FBXL13: variants seen among roughly 807,000 people sequenced by gnomAD.
FBXL13 encodes F-box and leucine-rich repeat protein 13.
Under a neutral mutation model 83.6 loss-of-function variants are expected in FBXL13, and 67 were observed. That is an observed-to-expected ratio of 0.80 (90% CI 0.66 to 0.98). The LOEUF (loss-of-function observed/expected upper bound fraction) is 0.98, where lower values mean the gene tolerates loss of function less well. Among genes scored for constraint, FBXL13 ranks in the 50% least tolerant of loss-of-function variants. FBXL13 has a pLI of 0.00. For missense variants in FBXL13, 822 were observed against 866.5 expected, an observed-to-expected ratio of 0.95 and a Z score of 0.64; for synonymous variants, 272 against 299.5, an observed-to-expected ratio of 0.91 and a Z score of 0.95.
intron 3 of FBXL13, 126 bp from the exon 5 acceptor site, chr7:103,028,874 A>G: frequency 1.8e-5 from 12 of 677,440 alleles, no homozygotes; most frequent in Non-Finnish European, 2.6e-5. Context: ...CATAGAAAGA[A>G]ACTTCTACAA....
intron 6 of FBXL13, among the ~76,000 whole-genome samples, chr7:102,986,013 C>T (rs557009153): frequency 5.6e-4 from 79 of 140,430 alleles, no homozygotes; most frequent in Admixed American, 3.3e-3. Flanking sequence ...GAACCTGGCA[C>T]GATGCCCCCC....
chr7:102,862,444 T>C (rs1351108076), intron 16 of FBXL13, among the ~76,000 whole-genome samples: 4 of 152,178 alleles, frequency 2.6e-5, no homozygotes, highest in Non-Finnish European at 5.9e-5. Flanking sequence ...GAAAATAGCA[T>C]AATTTGGAGG....
chr7:102,833,068 T>C, intron 17 of FBXL13, 94 bp from the exon 19 acceptor site: 1 of 1,335,840 alleles, frequency 7.5e-7, no homozygotes, highest in Non-Finnish European at 1.0e-6. Flanking sequence ...TTTCAGTCCC[T>C]GAAATACAGA....
At chr7:102,940,370 C>T (rs1460558110) in intron 8 of FBXL13, among the ~76,000 whole-genome samples, 6 of 151,602 alleles carry the variant, frequency 4.0e-5, no homozygotes, top group Non-Finnish European at 8.8e-5. Context: ...CCACCACGCC[C>T]GGCTAATTTT....
chr7:102,844,089 C>T lies in FBXL13; in HGVS notation c.1719+10688G>A, dbSNP rs539968239. On this transcript the variant is annotated intron_variant, in intron 17 of 19. Transcript: ENST00000313221. ...CAAGAGAGCAGATGAGGCTGAACCA[C>T]TACCACAGACTTCCTTCTTTTGTGT... Among the ~76,000 whole-genome samples the T allele has an allele frequency of 1.6e-3, 249 of 152,336 alleles. 1 individual carries two copies. The highest frequency in any genetic ancestry group is 5.5e-3 in the African/African-American group (229 of 41,576).
chr7:103,056,213 CAT>C (rs1482884226), intron 1 of FBXL13, among the ~76,000 whole-genome samples: 1 of 152,030 alleles, frequency 6.6e-6, no homozygotes, highest in African/African-American at 2.4e-5. Context: ...CATATTGCAT[CAT>C]ATATATATGA....
At chr7:103,027,863 C>T (rs1035398246) in intron 4 of FBXL13, among the ~76,000 whole-genome samples, 32 of 152,060 alleles carry the variant, frequency 2.1e-4, no homozygotes, top group Non-Finnish European at 4.4e-5. Context: ...AACTTCTAAA[C>T]TTTTTCATAA....
chr7:102,899,369 A>G (rs569370745), intron 11 of FBXL13, among the ~76,000 whole-genome samples: 1 of 152,286 alleles, frequency 6.6e-6, no homozygotes, highest in South Asian at 2.1e-4. Flanking sequence ...AGTCCAGTTA[A>G]ACAACATATC....
At chr7:103,014,443 A>G (rs1585360240) in intron 6 of FBXL13, among the ~76,000 whole-genome samples, 1 of 152,348 alleles carries the variant, frequency 6.6e-6, no homozygotes, top group East Asian at 1.9e-4. Flanking sequence ...TATCAGATGT[A>G]TAATGAAGAG....
At chr7:102,985,597 G>C (rs539389885) in intron 6 of FBXL13, among the ~76,000 whole-genome samples, 78 of 152,244 alleles carry the variant, frequency 5.1e-4, no homozygotes, top group African/African-American at 1.8e-3. Flanking sequence ...CCATAGAGCT[G>C]GAAGACATAG....
intron 16 of FBXL13, among the ~76,000 whole-genome samples, chr7:102,873,206 C>T (rs1808757600): frequency 6.6e-6 from 1 of 152,190 alleles, no homozygotes; most frequent in Admixed American, 6.5e-5. Context: ...GTGTGAATTT[C>T]AATTAGTTTC....
chr7:102,912,731 G>A (rs1814994632), intron 11 of FBXL13, among the ~76,000 whole-genome samples: 1 of 133,648 alleles, frequency 7.5e-6, no homozygotes, highest in South Asian at 2.3e-4. Flanking sequence ...GGAATCCCAT[G>A]CAAAATTCTC....
intron 1 of FBXL13, among the ~76,000 whole-genome samples, chr7:103,059,138 C>T (rs1033572395): frequency 1.3e-5 from 2 of 151,970 alleles, no homozygotes; most frequent in African/African-American, 2.4e-5. Flanking sequence ...AGCATGGTGG[C>T]GTGTGCCTGT....
chr7:102,895,134 A>C (rs1026347514), intron 11 of FBXL13, among the ~76,000 whole-genome samples: 7 of 152,230 alleles, frequency 4.6e-5, no homozygotes, highest in African/African-American at 1.7e-4. Context: ...GAGAATGCTT[A>C]GTGAAAAGTA....
At chr7:102,884,383 A>G in intron 11 of FBXL13, 71 bp from the exon 13 acceptor site, 1 of 1,078,176 alleles carries the variant, frequency 9.3e-7, no homozygotes, top group Non-Finnish European at 1.4e-6. Context: ...AGTAATAACC[A>G]AAGATACACC....
exon 5 of FBXL13, chr7:103,027,487 T>C: frequency 6.2e-7 from 1 of 1,613,410 alleles, no homozygotes; most frequent in Non-Finnish European, 8.5e-7. Context: ...TGTCTTGCTG[T>C]ATTCCGCCAT....
intron 2 of FBXL13, among the ~76,000 whole-genome samples, chr7:103,042,937 A>C (rs1409218094): frequency 6.6e-6 from 1 of 152,206 alleles, no homozygotes; most frequent in East Asian, 1.9e-4. Flanking sequence ...AAAACACCAA[A>C]AGCAATGGCA....
chr7:103,032,224 G>A (rs1794582619), intron 2 of FBXL13, among the ~76,000 whole-genome samples: 1 of 152,080 alleles, frequency 6.6e-6, no homozygotes, highest in Non-Finnish European at 1.5e-5. Flanking sequence ...AGGGTTGGAG[G>A]AAAATAAGAT....
intron 11 of FBXL13, among the ~76,000 whole-genome samples, chr7:102,887,868 A>G (rs867012108): frequency 1.3e-5 from 2 of 152,222 alleles, no homozygotes; most frequent in Middle Eastern, 3.2e-3. Flanking sequence ...AATACACCAA[A>G]TGCTAATAGT....
Sources: allele counts gnomAD v4.1 joint callset (sites outside exome capture counted in the v4.1 genomes callset), GRCh38; gene constraint gnomAD v4.1.1; transcripts MANE v1.5; gene names NCBI Gene and HGNC (gene_info 2026-07-23, HGNC 2026-07-21).